The following HHLA1 variants were observed in gnomAD, a reference collection of about 807,000 sequenced individuals.
HHLA1 encodes the protein HHLA1 neighbor of OC90.
HHLA1 carries 72 observed loss-of-function variants against 69.9 expected under a neutral mutation model. The observed-to-expected ratio is 1.03, with a 90% CI of 0.85 to 1.25. The LOEUF is 1.25. Among genes scored for constraint, HHLA1 ranks in the 50% most tolerant of loss-of-function variants. The probability of loss-of-function intolerance (pLI) is 0.00; values close to 1 mark genes in which losing one functional copy is unlikely to be tolerated. For synonymous variants in HHLA1, 252 were observed against 233.2 expected (o/e 1.08, Z -0.73); for missense variants, 685 against 642.2 (o/e 1.07, Z -0.72).
intron 10 of HHLA1, among the ~76,000 whole-genome samples, chr8:132,086,629 A>G (rs1460405485): frequency 6.6e-6 from 1 of 152,022 alleles, no homozygotes; most frequent in Non-Finnish European, 1.5e-5. Context: ...GTGTGTGTTG[A>G]GGGGGGTGTG....
intron 15 of HHLA1, 37 bp from the exon 16 acceptor site, chr8:132,066,005 C>A: frequency 2.2e-6 from 2 of 918,720 alleles, no homozygotes; most frequent in Non-Finnish European, 3.1e-6. Context: ...CAATAACTAT[C>A]CTGTGATGGC....
chr8:132,063,440 G>C lies in HHLA1; in HGVS notation c.*555C>G, dbSNP rs139542759. 3 of 152,216 alleles carry C rather than the reference G, an allele frequency of 2.0e-5. No homozygotes were observed. The highest frequency in any genetic ancestry group is 4.8e-5 in the African/African-American group (2 of 41,446). The allele number at this position is 152,216 out of a possible 1,614,324, so 9.4% of individuals were successfully genotyped here. A position where few individuals can be genotyped will look rare whatever the true frequency, so the allele number is the denominator to read the frequency against. On this transcript the variant is annotated 3_prime_UTR_variant, in exon 17 of 17. Coordinates refer to ENST00000414222, the MANE Select transcript of HHLA1 (RefSeq NM_001145095.3). ...AAAGTTTTCATTATCGCCCACTTAA[G>C]GGGGCTTGGAAGATTATATAGATCC...
chr8:132,102,313 G>A (rs1029266121), intron 3 of HHLA1, among the ~76,000 whole-genome samples: 2 of 152,234 alleles, frequency 1.3e-5, no homozygotes, highest in African/African-American at 2.4e-5. Context: ...GTCAGCTGTT[G>A]CCTGCTTAAG....
intron 10 of HHLA1, among the ~76,000 whole-genome samples, chr8:132,081,271 A>G (rs1823748627): frequency 6.6e-6 from 1 of 152,208 alleles, no homozygotes; most frequent in Admixed American, 6.5e-5. Context: ...TTTGGGGCAC[A>G]GTCTAAGTTG....
rs538111970 is a variant in HHLA1 at position 132,071,311 on chromosome 8, T to A, written c.1469+29A>T. ...GAATAAGAAAGCTATAAATATTCCA[T>A]GTGAAAAGAAGCCACTGGGCCAAGT... is the stretch of plus-strand genomic sequence containing the variant. On this transcript the variant is annotated intron_variant, in intron 15 of 16. Coordinates refer to ENST00000414222, the MANE Select transcript of HHLA1 (RefSeq NM_001145095.3). 4.5e-6 allele frequency: 7 copies of A among 1,539,294 alleles called. No individual in the cohort carries two copies. The East Asian group carries it at 1.2e-4, about 27-fold the overall frequency.
chr8:132,086,958 C>T (rs1446356009), intron 10 of HHLA1, among the ~76,000 whole-genome samples: 4 of 152,320 alleles, frequency 2.6e-5, no homozygotes, highest in African/African-American at 4.8e-5. Flanking sequence ...AAGGAAACTA[C>T]TTATTCTACC....
At chr8:132,098,725 G>A (rs149984356) in intron 5 of HHLA1, among the ~76,000 whole-genome samples, 157 bp downstream of exon 5, 7 of 152,050 alleles carry the variant, frequency 4.6e-5, no homozygotes, top group African/African-American at 1.4e-4. Context: ...TGGGATTACA[G>A]GCGTGAGACA....
rs966223114 is a variant in HHLA1 at position 132,079,974 on chromosome 8, G to C, written c.677-8C>G. On this transcript the variant is annotated splice_polypyrimidine_tract_variant and splice_region_variant and intron_variant, in intron 10 of 16. Coordinates refer to ENST00000414222, the MANE Select transcript of HHLA1 (RefSeq NM_001145095.3). ...TTCCCCTGGTAGCTGCACCTTCAGG[G>C]AGGCAGTCAATGGTAACATTAACAT... The C allele has an allele frequency of 1.9e-6, 3 of 1,552,308 alleles. No individual in the cohort carries two copies. The highest frequency in any genetic ancestry group is 3.9e-5 in the Admixed American group (2 of 51,016).
chr8:132,068,752 C>A (rs1384113947), intron 15 of HHLA1, among the ~76,000 whole-genome samples: 1 of 152,216 alleles, frequency 6.6e-6, no homozygotes, highest in Non-Finnish European at 1.5e-5. Context: ...GCCGTGGACA[C>A]TTCACTGGGG....
chr8:132,069,338 C>T (rs1177418914), intron 15 of HHLA1, among the ~76,000 whole-genome samples: 1 of 152,100 alleles, frequency 6.6e-6, no homozygotes, highest in Non-Finnish European at 1.5e-5. Flanking sequence ...TCTTACATTG[C>T]CAACTTTCCC....
At chr8:132,071,920 ACATGTGTGTG>A (rs1416210236) in intron 14 of HHLA1, among the ~76,000 whole-genome samples, 3 of 151,946 alleles carry the variant, frequency 2.0e-5, no homozygotes, top group Admixed American at 6.6e-5. Context: ...TGTGCAGGGT[ACATGTGTGTG>A]CATGTGTGTG....
At chr8:132,099,085 G>T in intron 4 of HHLA1, 123 bp from the exon 5 acceptor site, 1 of 679,994 alleles carries the variant, frequency 1.5e-6, no homozygotes, top group Non-Finnish European at 2.5e-6. Context: ...CAAACCAAGT[G>T]CCAGGCACGA....
At chr8:132,068,994 A>AG (rs1040960284) in intron 15 of HHLA1, among the ~76,000 whole-genome samples, 5 of 152,240 alleles carry the variant, frequency 3.3e-5, no homozygotes, top group African/African-American at 1.2e-4. Flanking sequence ...CTGAACAAGG[A>AG]GGGAGTAGAA....
chr8:132,101,165 C>T (rs913887592), intron 3 of HHLA1: 17 of 1,526,954 alleles, frequency 1.1e-5, no homozygotes, highest in Non-Finnish European at 1.5e-5. Flanking sequence ...TAGAAAACAA[C>T]AAGCCACAGA....
At position 132,079,717 on chromosome 8, in the gene HHLA1, C is replaced by T. The variant is rs759522372; in HGVS notation, c.925+1G>A. The T allele has an allele frequency of 6.5e-7, 1 of 1,544,178 alleles. No individual in the cohort carries two copies. ...GAGGAAAGGGTGAGAATGCATCTTACCCAAGGCTGGGAGAGTGTGGGAGGC... is the reference window on the plus strand; with the variant it reads ...GAGGAAAGGGTGAGAATGCATCTTATCCAAGGCTGGGAGAGTGTGGGAGGC... On this transcript the variant is annotated splice_donor_variant, in intron 11 of 16. Coordinates refer to ENST00000414222, the MANE Select transcript of HHLA1 (RefSeq NM_001145095.3). LOFTEE classifies it high-confidence loss of function.
At chr8:132,109,927 G>C (rs747902797) in intron 1 of HHLA1, among the ~76,000 whole-genome samples, 9 of 152,192 alleles carry the variant, frequency 5.9e-5, no homozygotes, top group Non-Finnish European at 1.0e-4. Context: ...GGGCCAAGAA[G>C]TCACCCAAGA....
At chr8:132,101,981 A>G (rs1156542289) in intron 3 of HHLA1, among the ~76,000 whole-genome samples, 2 of 152,214 alleles carry the variant, frequency 1.3e-5, no homozygotes, top group Non-Finnish European at 2.9e-5. Context: ...TTTCATACTC[A>G]TTGAACAACG....
At chr8:132,085,154 C>T (rs545701215) in intron 10 of HHLA1, among the ~76,000 whole-genome samples, 6 of 152,282 alleles carry the variant, frequency 3.9e-5, no homozygotes, top group South Asian at 2.1e-4. Flanking sequence ...ACCCTTGAAA[C>T]GTGAGTGTAT....
chr8:132,104,091 C>A lies in HHLA1; in HGVS notation c.139+17G>T. ...CAAGAACAGTGAGCTGAAAAGGAGCCCTTATCACCCACTTACCTGTTGTAG... is the reference window on the plus strand; with the variant it reads ...CAAGAACAGTGAGCTGAAAAGGAGCACTTATCACCCACTTACCTGTTGTAG... On this transcript the variant is annotated intron_variant, in intron 3 of 16. Transcript: ENST00000414222. 6.5e-7 allele frequency: 1 copy of A among 1,542,704 alleles called. No individual in the cohort carries two copies. Among genetic ancestry groups the A allele is most frequent in the South Asian group, 1.2e-5 (1 of 83,834 alleles).
Sources: gnomAD v4.1 joint callset for allele counts (sites outside exome capture counted in the v4.1 genomes callset) on GRCh38, gnomAD v4.1.1 for gene constraint, MANE v1.5 for transcripts, NCBI Gene and HGNC (gene_info 2026-07-23, HGNC 2026-07-21) for gene names.